Variants in KY observed in about 807,000 individuals in gnomAD.
The protein encoded by KY is kyphoscoliosis peptidase.
KY carries 43 observed loss-of-function variants against 76.1 expected under a neutral mutation model. The observed-to-expected ratio is 0.57, with a 90% CI of 0.44 to 0.73. The LOEUF (loss-of-function observed/expected upper bound fraction) is 0.73. KY is among the 30% of genes least tolerant of loss of function. The probability of loss-of-function intolerance (pLI) is 0.00; values close to 1 mark genes in which losing one functional copy is unlikely to be tolerated. For missense variants in KY, 722 were observed against 828.9 expected (o/e 0.87, Z 1.58); for synonymous variants, 277 against 326.2 (o/e 0.85, Z 1.63).
intron 8 of KY, among the ~76,000 whole-genome samples, chr3:134,610,958 C>T (rs1035089477): frequency 2.0e-5 from 3 of 152,170 alleles, no homozygotes; most frequent in African/African-American, 7.2e-5. Flanking sequence ...AGGATGCCTG[C>T]AGGGGAACCC....
chr3:134,626,904 G>A (rs1963531069), intron 5 of KY, among the ~76,000 whole-genome samples: 1 of 152,204 alleles, frequency 6.6e-6, no homozygotes, highest in South Asian at 2.1e-4. Flanking sequence ...TTGCTCTGCA[G>A]AATCTGTTCC....
intron 2 of KY, among the ~76,000 whole-genome samples, chr3:134,644,124 C>T (rs573808073): frequency 7.2e-5 from 11 of 152,286 alleles, no homozygotes; most frequent in South Asian, 6.2e-4. Context: ...CGCGCCCGGC[C>T]GAGCCTCCTG....
intron 8 of KY, chr3:134,615,535 G>A (rs993105004): frequency 6.7e-6 from 1 of 150,006 alleles, no homozygotes; most frequent in East Asian, 1.9e-4. Flanking sequence ...TGTTGCACCA[G>A]CTCTTTTGTA....
chr3:134,628,452 A>C (rs1161918947), intron 4 of KY, among the ~76,000 whole-genome samples: 1 of 152,190 alleles, frequency 6.6e-6, no homozygotes, highest in Non-Finnish European at 1.5e-5. Flanking sequence ...GGGGAGTTGA[A>C]GGTGGGGATG....
intron 6 of KY, 118 bp downstream of exon 6, chr3:134,624,935 G>A (rs1963229355): frequency 1.1e-6 from 1 of 871,110 alleles, no homozygotes; most frequent in South Asian, 1.5e-5. Context: ...GGCATTCCAG[G>A]GCCATCCAAC....
intron 4 of KY, chr3:134,628,179 A>G (rs1963723923): frequency 3.7e-6 from 1 of 273,606 alleles, no homozygotes; most frequent in Admixed American, 4.8e-5. Context: ...ACTGCCAGAT[A>G]ATGCCGGGAT....
At chr3:134,626,369 A>G (rs1963452582) in intron 5 of KY, among the ~76,000 whole-genome samples, 1 of 152,066 alleles carries the variant, frequency 6.6e-6, no homozygotes, top group Non-Finnish European at 1.5e-5. Context: ...TCTGACTTCC[A>G]CCTTGCTGGG....
chr3:134,642,604 A>G (rs1965904743), intron 3 of KY, among the ~76,000 whole-genome samples: 3 of 152,106 alleles, frequency 2.0e-5, no homozygotes, highest in Non-Finnish European at 2.9e-5. Flanking sequence ...GAGGACTCCC[A>G]ATGAAGGTGC....
intron 3 of KY, among the ~76,000 whole-genome samples, chr3:134,642,424 T>C (rs569140771): frequency 6.6e-5 from 10 of 152,336 alleles, no homozygotes; most frequent in Non-Finnish European, 1.5e-4. Flanking sequence ...CAGTATTTAA[T>C]GCACAGCAGT....
At chr3:134,633,238 G>T (rs985988696) in intron 3 of KY, among the ~76,000 whole-genome samples, 4 of 152,022 alleles carry the variant, frequency 2.6e-5, no homozygotes, top group Non-Finnish European at 5.9e-5. Context: ...AGAAGTGAAT[G>T]CTTCATAACT....
intron 6 of KY, among the ~76,000 whole-genome samples, chr3:134,622,351 C>T (rs1962780102): frequency 6.6e-6 from 1 of 152,118 alleles, no homozygotes. Flanking sequence ...AGAGTATATA[C>T]CATATATACA....
chr3:134,630,768 G>C (rs1335204823), intron 3 of KY, among the ~76,000 whole-genome samples: 1 of 152,170 alleles, frequency 6.6e-6, no homozygotes, highest in Non-Finnish European at 1.5e-5. Flanking sequence ...ACTCAGGAAA[G>C]TCTTAATTTG....
At chr3:134,618,324 A>T (rs1287215513) in intron 8 of KY, among the ~76,000 whole-genome samples, 2 of 152,074 alleles carry the variant, frequency 1.3e-5, no homozygotes, top group Non-Finnish European at 1.5e-5. Flanking sequence ...TGGTTTGATG[A>T]ATTGCCACCT....
rs1407941305 is a variant in KY at position 134,604,374 on chromosome 3, C to G, written c.1191G>C (p.Lys397Asn). 1 of 1,613,938 alleles carries G rather than the reference C, an allele frequency of 6.2e-7. No homozygotes were observed. Among genetic ancestry groups the G allele is most frequent in the African/African-American group, 1.3e-5 (1 of 74,954 alleles). Reference sequence around the variant, plus strand: ...GGTACACCTCCAACTTCATCCCATTCTTCCTTAGGCTCAGCAGCCCATGCT... The same window carrying G: ...GGTACACCTCCAACTTCATCCCATTGTTCCTTAGGCTCAGCAGCCCATGCT... ...KQEHGLLSLRKNGMKLEVYPP... is the reference protein window; with the variant it reads ...KQEHGLLSLRNNGMKLEVYPP... Residue 397 changes from lysine (K) to asparagine (N), a missense_variant, in exon 11 of 11, where the codon AAG becomes AAC. By Grantham distance (94) the Lys-to-Asn change is moderately conservative (BLOSUM62 0). This residue lies in a region of KY where 552 missense variants were observed against 680.9 expected (regional missense o/e 0.81). Transcript: ENST00000423778.
At chr3:134,615,107 C>T (rs1232988683) in intron 8 of KY, 1 of 152,192 alleles carries the variant, frequency 6.6e-6, no homozygotes, top group African/African-American at 2.4e-5. Flanking sequence ...CCCATGTGCT[C>T]TCTTTTCCCT....
chr3:134,629,713 A>G lies in KY; in HGVS notation c.263-18T>C. ...TTGTGTCCCTACAAAGGAAAAGGAG[A>G]TGACATTCTCAACCAGATGCTGCCA... On this transcript the variant is annotated intron_variant, in intron 3 of 10. Transcript: ENST00000423778. 1.9e-6 allele frequency: 3 copies of G among 1,550,016 alleles called. No homozygotes were observed. Among genetic ancestry groups the G allele is most frequent in the Non-Finnish European group, 2.6e-6 (3 of 1,136,462 alleles).
chr3:134,649,166 A>G (rs1966785746), intron 1 of KY, among the ~76,000 whole-genome samples: 1 of 152,228 alleles, frequency 6.6e-6, no homozygotes, highest in African/African-American at 2.4e-5. Context: ...TCGGTGAGAA[A>G]CGGCCATCAG....
chr3:134,619,916 G>C (rs1216978147), intron 7 of KY: 3 of 152,532 alleles, frequency 2.0e-5, no homozygotes, highest in Non-Finnish European at 4.4e-5. Flanking sequence ...AGCTGAGCTG[G>C]GGGTCTCTCA....
chr3:134,650,479 C>G (rs1208536684), intron 1 of KY, among the ~76,000 whole-genome samples: 1 of 152,194 alleles, frequency 6.6e-6, no homozygotes, highest in Non-Finnish European at 1.5e-5. Context: ...ACCCATGAGT[C>G]AGCCCTGAGG....
Sources: gnomAD v4.1 joint callset for allele counts (sites outside exome capture counted in the v4.1 genomes callset) on GRCh38, gnomAD v4.1.1 for gene constraint, gnomAD v4.1.1 regional missense constraint, MANE v1.5 for transcripts, NCBI Gene and HGNC (gene_info 2026-07-23, HGNC 2026-07-21) for gene names.